FAF1: variants seen among roughly 807,000 people sequenced by gnomAD.
FAF1 encodes FAS-associated factor 1.
A neutral mutation model predicts 92.5 loss-of-function variants in FAF1; 25 were observed. The observed-to-expected ratio is 0.27, with a 90% CI of 0.20 to 0.38. The LOEUF (loss-of-function observed/expected upper bound fraction) is 0.38. Among genes scored for constraint, FAF1 ranks in the 10% least tolerant of loss-of-function variants. The probability of loss-of-function intolerance (pLI) is 1.00; values close to 1 mark genes in which losing one functional copy is unlikely to be tolerated. For missense variants in FAF1, 636 were observed against 793.3 expected (o/e 0.80, Z 2.38); for synonymous variants, 234 against 273.2 (o/e 0.86, Z 1.42).
intron 7 of FAF1, among the ~76,000 whole-genome samples, chr1:50,676,841 A>T (rs1207074184): frequency 6.6e-6 from 1 of 152,086 alleles, no homozygotes; most frequent in Non-Finnish European, 1.5e-5. Context: ...ATGCATATAT[A>T]TTTTTTTCAA....
At chr1:50,935,454 C>T (rs1645078306) in intron 1 of FAF1, among the ~76,000 whole-genome samples, 1 of 148,664 alleles carries the variant, frequency 6.7e-6, no homozygotes, top group South Asian at 2.1e-4. Flanking sequence ...AGTCATCACC[C>T]CTGGCCTGAT....
At chr1:50,547,800 T>C (rs944426865) in intron 13 of FAF1, among the ~76,000 whole-genome samples, 1 of 152,228 alleles carries the variant, frequency 6.6e-6, no homozygotes, top group African/African-American at 2.4e-5. Context: ...TAAAGTTTAA[T>C]AACAAGGGTA....
intron 15 of FAF1, among the ~76,000 whole-genome samples, chr1:50,505,013 G>A (rs1557972852): frequency 6.6e-6 from 1 of 152,178 alleles, no homozygotes; most frequent in African/African-American, 2.4e-5. Flanking sequence ...TTGTAAGACT[G>A]TAGAAGTCTT....
At chr1:50,692,362 C>T (rs1196975071) in intron 7 of FAF1, among the ~76,000 whole-genome samples, 2 of 148,034 alleles carry the variant, frequency 1.4e-5, no homozygotes, top group Non-Finnish European at 3.0e-5. Flanking sequence ...ATATAGTCAC[C>T]CTGCTGTACG....
At chr1:50,443,197 T>C (rs1646189889) in intron 18 of FAF1, among the ~76,000 whole-genome samples, 1 of 152,160 alleles carries the variant, frequency 6.6e-6, no homozygotes, top group Non-Finnish European at 1.5e-5. Context: ...TGATGTTTGT[T>C]GGGAGAAACG....
intron 7 of FAF1, among the ~76,000 whole-genome samples, chr1:50,695,760 T>C (rs188772090): frequency 6.6e-6 from 1 of 152,128 alleles, no homozygotes; most frequent in Non-Finnish European, 1.5e-5. Context: ...GTGATTCTCC[T>C]GTCTCAGCCT....
At chr1:50,763,375 A>G (rs1437459205) in intron 4 of FAF1, among the ~76,000 whole-genome samples, 1 of 152,132 alleles carries the variant, frequency 6.6e-6, no homozygotes, top group African/African-American at 2.4e-5. Flanking sequence ...CAATTTGATA[A>G]TGATGTGCCT....
At chr1:50,535,552 T>A in intron 14 of FAF1, 95 bp from the exon 15 acceptor site, 1 of 657,900 alleles carries the variant, frequency 1.5e-6, no homozygotes. Flanking sequence ...ATTCTAGAAT[T>A]AACCAGAAAG....
At chr1:50,864,916 G>A (rs1160109721) in intron 1 of FAF1, among the ~76,000 whole-genome samples, 1 of 151,768 alleles carries the variant, frequency 6.6e-6, no homozygotes, top group Non-Finnish European at 1.5e-5. Context: ...CTACAAAATG[G>A]GAGAAAATTT....
chr1:50,757,719 T>G (rs948440425), intron 4 of FAF1, among the ~76,000 whole-genome samples: 3 of 152,156 alleles, frequency 2.0e-5, no homozygotes, highest in Admixed American at 1.3e-4. Flanking sequence ...CTACCTTTTA[T>G]TATAACATGA....
At chr1:50,750,458 A>G (rs543535212) in intron 4 of FAF1, among the ~76,000 whole-genome samples, 5 of 152,238 alleles carry the variant, frequency 3.3e-5, no homozygotes, top group African/African-American at 1.2e-4. Context: ...ACCACCATAC[A>G]ATCAAGATAA....
intron 12 of FAF1, among the ~76,000 whole-genome samples, chr1:50,577,126 T>C (rs74613980): frequency 1.9e-3 from 291 of 152,362 alleles, no homozygotes; most frequent in African/African-American, 6.7e-3. Flanking sequence ...CTCACTTTAA[T>C]CTTCCATTGC....
chr1:50,629,779 C>A (rs1375645686), intron 8 of FAF1, among the ~76,000 whole-genome samples: 1 of 152,122 alleles, frequency 6.6e-6, no homozygotes, highest in Non-Finnish European at 1.5e-5. Context: ...ACATATAAGG[C>A]CAGGTGCAGT....
In FAF1 at chr1:50,539,945, G is replaced by A. The variant is rs570557472; in HGVS notation, c.1269-217C>T. ...AAGCAGGAAGCATACCCTAAATGCT[G>A]TCTGGGGCTGACAGCATAGGATTCT... On this transcript the variant is annotated intron_variant, in intron 13 of 18. Coordinates refer to ENST00000396153, the MANE Select transcript of FAF1 (RefSeq NM_007051.3). Among the ~76,000 whole-genome samples the A allele has an allele frequency of 5.3e-4, 80 of 152,176 alleles. 1 individual carries two copies. Among genetic ancestry groups the A allele is most frequent in the African/African-American group, 1.9e-3 (79 of 41,534 alleles).
At chr1:50,794,230 T>A (rs1459463674) in intron 3 of FAF1, among the ~76,000 whole-genome samples, 1 of 152,020 alleles carries the variant, frequency 6.6e-6, no homozygotes, top group Non-Finnish European at 1.5e-5. Context: ...ACTTTGTATT[T>A]CCCAACAATA....
chr1:50,958,151 A>C (rs1055745392), intron 1 of FAF1, among the ~76,000 whole-genome samples: 5 of 152,146 alleles, frequency 3.3e-5, no homozygotes, highest in Admixed American at 6.6e-5. Context: ...TTAATTAATT[A>C]ATTGAAAAAT....
chr1:50,840,816 TGTTTTA>T (rs966213814), intron 2 of FAF1, among the ~76,000 whole-genome samples: 6 of 152,014 alleles, frequency 3.9e-5, no homozygotes, highest in Non-Finnish European at 8.8e-5. Flanking sequence ...ATTACATCAT[TGTTTTA>T]CTTATGGTAA....
intron 4 of FAF1, among the ~76,000 whole-genome samples, chr1:50,755,676 AC>A (rs1001643894): frequency 1.3e-5 from 2 of 151,880 alleles, no homozygotes; most frequent in Non-Finnish European, 2.9e-5. Flanking sequence ...GGAGTGCCCC[AC>A]CCCCACAGCA....
At chr1:50,672,255 C>T (rs927089669) in intron 7 of FAF1, among the ~76,000 whole-genome samples, 2 of 152,168 alleles carry the variant, frequency 1.3e-5, no homozygotes, top group East Asian at 3.9e-4. Context: ...CTTGGCCAGG[C>T]TGGTCTTGAA....
Sources: gnomAD v4.1 joint callset for allele counts (sites outside exome capture counted in the v4.1 genomes callset) on GRCh38, gnomAD v4.1.1 for gene constraint, MANE v1.5 for transcripts, NCBI Gene and HGNC (gene_info 2026-07-23, HGNC 2026-07-21) for gene names.